The following NRXN3 variants were observed in gnomAD, a reference collection of about 807,000 sequenced individuals.
NRXN3 encodes the protein neurexin 3.
Under a neutral mutation model 137.6 loss-of-function variants are expected in NRXN3, and 32 were observed. The ratio of observed to expected loss-of-function variants is 0.23; its 90% CI spans 0.18 to 0.31. The LOEUF (loss-of-function observed/expected upper bound fraction) is 0.31, where lower values mean the gene tolerates loss of function less well. NRXN3 is among the 10% of genes least tolerant of loss of function. The pLI is 1.00. For missense variants in NRXN3, 1,574 were observed against 2,062.5 expected, an observed-to-expected ratio of 0.76 and a Z score of 4.59; for synonymous variants, 798 against 784.5, an observed-to-expected ratio of 1.02 and a Z score of -0.29.
At chr14:79,490,038 C>CAAAAAAAAAA (rs370581169) in intron 16 of NRXN3, among the ~76,000 whole-genome samples, 1 of 72,874 alleles carries the variant, frequency 1.4e-5, no homozygotes, top group African/African-American at 5.0e-5. Flanking sequence ...TACTCCATCT[C>CAAAAAAAAAA]AAAAAAAAAA....
intron 20 of NRXN3, among the ~76,000 whole-genome samples, chr14:79,817,845 A>G (rs185412205): frequency 6.6e-6 from 1 of 152,302 alleles, no homozygotes; most frequent in East Asian, 1.9e-4. Flanking sequence ...GTTAGTTATT[A>G]TGTATCAAAA....
chr14:79,109,215 A>C (rs1287348303), intron 15 of NRXN3, among the ~76,000 whole-genome samples: 5 of 152,138 alleles, frequency 3.3e-5, no homozygotes, highest in African/African-American at 1.2e-4. Context: ...TAAATTGTCT[A>C]TCCATTAGCA....
At chr14:78,359,874 C>G (rs752219267) in intron 4 of NRXN3, among the ~76,000 whole-genome samples, 1 of 152,138 alleles carries the variant, frequency 6.6e-6, no homozygotes, top group Non-Finnish European at 1.5e-5. Context: ...TGTGGTTGCC[C>G]TGCACCCTCC....
chr14:78,705,143 C>A (rs918204320), intron 6 of NRXN3, among the ~76,000 whole-genome samples: 1 of 152,182 alleles, frequency 6.6e-6, no homozygotes, highest in Non-Finnish European at 1.5e-5. Flanking sequence ...CATGGGGAGC[C>A]GTTTCTACTT....
intron 15 of NRXN3, among the ~76,000 whole-genome samples, chr14:79,143,288 G>C (rs2058986882): frequency 6.6e-6 from 1 of 152,186 alleles, no homozygotes. Context: ...TCCTATCTCT[G>C]TTTCAATTCT....
intron 5 of NRXN3, among the ~76,000 whole-genome samples, chr14:78,645,766 A>C (rs1322905753): frequency 6.6e-6 from 1 of 152,108 alleles, no homozygotes; most frequent in Non-Finnish European, 1.5e-5. Flanking sequence ...GTTAAATTCA[A>C]TTAGGGACTG....
chr14:78,815,124 G>C (rs1457263528), intron 10 of NRXN3, among the ~76,000 whole-genome samples: 1 of 152,166 alleles, frequency 6.6e-6, no homozygotes, highest in Non-Finnish European at 1.5e-5. Flanking sequence ...ATATGTAACA[G>C]TGTCTCTCTC....
chr14:79,565,328 T>TAC (rs1393914858), intron 16 of NRXN3, among the ~76,000 whole-genome samples: 15 of 144,340 alleles, frequency 1.0e-4, no homozygotes, highest in Non-Finnish European at 1.8e-4. Flanking sequence ...TGTGTGTGTA[T>TAC]ATATATATAC....
intron 15 of NRXN3, among the ~76,000 whole-genome samples, chr14:79,256,805 G>GA (rs1324525240): frequency 6.6e-6 from 1 of 152,038 alleles, no homozygotes; most frequent in East Asian, 1.9e-4. Context: ...TCTTCCTTTG[G>GA]AAAAAGAACA....
chr14:78,382,457 G>T (rs552433203), intron 4 of NRXN3, among the ~76,000 whole-genome samples: 29 of 152,282 alleles, frequency 1.9e-4, no homozygotes, highest in Admixed American at 1.6e-3. Flanking sequence ...TTCAGGGAAA[G>T]ATATTAACCA....
intron 4 of NRXN3, among the ~76,000 whole-genome samples, chr14:78,506,754 T>A (rs2096003048): frequency 6.9e-6 from 1 of 145,412 alleles, no homozygotes; most frequent in Non-Finnish European, 1.5e-5. Context: ...GCTACAGCCC[T>A]AAATTCCTGG....
At chr14:78,969,200 A>T (rs31411) in intron 14 of NRXN3, among the ~76,000 whole-genome samples, 5 of 146,248 alleles carry the variant, frequency 3.4e-5, no homozygotes, top group African/African-American at 1.4e-4. Flanking sequence ...ACAACAAACC[A>T]TGCTCAGCCT....
At chr14:78,880,239 CAAAAAA>C (rs59348965) in intron 10 of NRXN3, among the ~76,000 whole-genome samples, 2 of 45,274 alleles carry the variant, frequency 4.4e-5, no homozygotes, top group Middle Eastern at 9.8e-3. Flanking sequence ...GACTCCGTCT[CAAAAAA>C]AAAAAAAAAA....
rs77099179 is a variant in NRXN3, at chr14:78,579,475, C to A, written c.758-65645C>A. Reference sequence around the variant, plus strand: ...AACTGCTAACCATTGTTTAAGACCGCAGTGAGATCCACAGGGTAGTCTCAA... The same window carrying A: ...AACTGCTAACCATTGTTTAAGACCGAAGTGAGATCCACAGGGTAGTCTCAA... On this transcript the variant is annotated intron_variant, in intron 4 of 20. Coordinates refer to ENST00000335750, the MANE Select transcript of NRXN3 (RefSeq NM_001330195.2). 3.3e-3 allele frequency among the ~76,000 whole-genome samples: 497 copies of A among 151,252 alleles called. 4 individuals carry two copies. The highest frequency in any genetic ancestry group is 0.011 in the African/African-American group (459 of 41,110).
At chr14:79,566,254 A>AG (rs145694289) in intron 16 of NRXN3, among the ~76,000 whole-genome samples, 20,313 of 151,930 alleles carry the variant, frequency 0.13, 1,914 homozygotes, top group African/African-American at 0.27. Context: ...GTGAGCCAAA[A>AG]CTCTCCTTGC....
intron 19 of NRXN3, among the ~76,000 whole-genome samples, chr14:79,796,384 A>C (rs2099161017): frequency 6.6e-6 from 1 of 152,114 alleles, no homozygotes; most frequent in African/African-American, 2.4e-5. Context: ...TCTGTGGTTC[A>C]ATACTCCTCT....
chr14:78,984,192 T>C (rs1007147292), intron 14 of NRXN3, among the ~76,000 whole-genome samples: 1 of 152,188 alleles, frequency 6.6e-6, no homozygotes, highest in Non-Finnish European at 1.5e-5. Context: ...TATTTTAAAT[T>C]TCAAATCATT....
chr14:78,298,036 C>A (rs2076520309), intron 4 of NRXN3, among the ~76,000 whole-genome samples, 176 bp downstream of exon 4: 1 of 152,248 alleles, frequency 6.6e-6, no homozygotes, highest in Non-Finnish European at 1.5e-5. Context: ...TTCCTTGATG[C>A]ATCGTGGTTT....
chr14:78,512,117 C>G (rs898675649), intron 4 of NRXN3, among the ~76,000 whole-genome samples: 1 of 152,124 alleles, frequency 6.6e-6, no homozygotes, highest in African/African-American at 2.4e-5. Flanking sequence ...CCCAGGATCG[C>G]TTGATGGATG....
Sources: gnomAD v4.1 joint callset for allele counts (sites outside exome capture counted in the v4.1 genomes callset) on GRCh38, gnomAD v4.1.1 for gene constraint, MANE v1.5 for transcripts, NCBI Gene and HGNC (gene_info 2026-07-23, HGNC 2026-07-21) for gene names.